The following IP6K1 variants were observed in gnomAD, a reference collection of about 807,000 sequenced individuals.
IP6K1 encodes ATP:1D-myo-inositol-hexakisphosphate phosphotransferase.
Under a neutral mutation model 38.3 loss-of-function variants are expected in IP6K1, and 13 were observed. That is an observed-to-expected ratio of 0.34 (90% CI 0.22 to 0.54). The LOEUF is 0.54. IP6K1 is among the 20% of genes least tolerant of loss of function. The pLI, the probability that IP6K1 is intolerant of heterozygous loss-of-function variation, is 0.92. For missense variants in IP6K1, 397 were observed against 599.8 expected, an observed-to-expected ratio of 0.66 and a Z score of 3.53; for synonymous variants, 212 against 229.9, an observed-to-expected ratio of 0.92 and a Z score of 0.70.
At chr3:49,757,738 T>TA (rs890058194) in intron 1 of IP6K1, among the ~76,000 whole-genome samples, 1 of 151,650 alleles carries the variant, frequency 6.6e-6, no homozygotes, top group African/African-American at 2.4e-5. Flanking sequence ...AAATAAAAAA[T>TA]AAAAAAACTG....
intron 1 of IP6K1, among the ~76,000 whole-genome samples, chr3:49,754,145 T>C (rs1004832068): frequency 1.8e-4 from 27 of 151,698 alleles, no homozygotes; most frequent in Non-Finnish European, 2.9e-4. Context: ...GGCTGGAGGA[T>C]CACTTGAGCC....
chr3:49,776,240 G>A (rs751433720), intron 1 of IP6K1, among the ~76,000 whole-genome samples: 5 of 152,072 alleles, frequency 3.3e-5, no homozygotes, highest in Non-Finnish European at 5.9e-5. Context: ...AATCAGGACA[G>A]GTGCAGTGGC....
chr3:49,775,897 G>T (rs538349311), intron 1 of IP6K1, among the ~76,000 whole-genome samples: 1 of 151,870 alleles, frequency 6.6e-6, no homozygotes, highest in East Asian at 2.0e-4. Flanking sequence ...TCTCCATATT[G>T]ATATGTTCTC....
At chr3:49,757,030 T>A (rs947085083) in intron 1 of IP6K1, among the ~76,000 whole-genome samples, 1 of 152,196 alleles carries the variant, frequency 6.6e-6, no homozygotes, top group African/African-American at 2.4e-5. Context: ...AAAGCACACA[T>A]GTAGAAGGAT....
chr3:49,738,561 C>T, intron 2 of IP6K1, 139 bp from the exon 3 acceptor site: 3 of 665,740 alleles, frequency 4.5e-6, no homozygotes, highest in Admixed American at 4.6e-5. Context: ...ATCAGAACAA[C>T]AGCCAGCAGA....
chr3:49,756,838 A>AAAAAG (rs1559710132), intron 1 of IP6K1, among the ~76,000 whole-genome samples: 45 of 119,104 alleles, frequency 3.8e-4, no homozygotes, highest in African/African-American at 5.5e-4. Context: ...AAAAAAAAAA[A>AAAAAG]AAAGAAAAAA....
chr3:49,786,322 G>A (rs559696279), intron 1 of IP6K1, 32 bp downstream of exon 1: 2 of 152,438 alleles, frequency 1.3e-5, no homozygotes, highest in Admixed American at 6.5e-5. Flanking sequence ...CGGGCGTCAG[G>A]CCGGTCTATC....
intron 3 of IP6K1, among the ~76,000 whole-genome samples, chr3:49,735,160 C>T (rs2080597769): frequency 6.6e-6 from 1 of 152,130 alleles, no homozygotes; most frequent in African/African-American, 2.4e-5. Context: ...TTTCAGACCA[C>T]CCCGGGCAAC....
chr3:49,739,867 T>A (rs2080650500), intron 2 of IP6K1, among the ~76,000 whole-genome samples: 1 of 151,892 alleles, frequency 6.6e-6, no homozygotes, highest in Non-Finnish European at 1.5e-5. Flanking sequence ...ATACAACAGT[T>A]ATCCAGACAT....
intron 1 of IP6K1, among the ~76,000 whole-genome samples, chr3:49,762,408 G>A (rs1249705842): frequency 6.6e-6 from 1 of 152,186 alleles, no homozygotes; most frequent in East Asian, 1.9e-4. Flanking sequence ...TGGCAAGGTG[G>A]CGGGCGCCTG....
intron 1 of IP6K1, among the ~76,000 whole-genome samples, chr3:49,754,931 T>TA: frequency 6.6e-6 from 1 of 151,322 alleles, no homozygotes. Context: ...GCAATCTTTT[T>TA]TTTTTTTTTG....
chr3:49,772,235 A>G (rs1370804946), intron 1 of IP6K1, among the ~76,000 whole-genome samples: 1 of 147,854 alleles, frequency 6.8e-6, no homozygotes, highest in Non-Finnish European at 1.5e-5. Flanking sequence ...ATATATATAT[A>G]TATATATGTG....
In IP6K1 at chr3:49,771,056, G is replaced by A. The variant is rs188456943; in HGVS notation, c.-129+15298C>T. ...GTCGTTTAAGCCCAGGAGTTAGAGG[G>A]TACACTAAGTTATGATCACGCTACT... On this transcript the variant is annotated intron_variant, in intron 1 of 5. Coordinates refer to ENST00000321599, the MANE Select transcript of IP6K1 (RefSeq NM_153273.4). Among the ~76,000 whole-genome samples the A allele has an allele frequency of 4.9e-3, 743 of 151,546 alleles. 4 individuals carry two copies. The highest frequency in any genetic ancestry group is 0.017 in the African/African-American group (714 of 41,326).
chr3:49,778,422 C>G (rs1316563456), intron 1 of IP6K1, among the ~76,000 whole-genome samples: 1 of 151,730 alleles, frequency 6.6e-6, no homozygotes. Flanking sequence ...GGCTTGAGGT[C>G]AGGAGGTCAA....
chr3:49,780,788 C>T (rs987729210), intron 1 of IP6K1, among the ~76,000 whole-genome samples: 2 of 152,200 alleles, frequency 1.3e-5, no homozygotes, highest in African/African-American at 4.8e-5. Context: ...ATGGGCCTGC[C>T]TCTATAAAGC....
chr3:49,783,096 G>A (rs559864773), intron 1 of IP6K1, among the ~76,000 whole-genome samples: 2 of 149,738 alleles, frequency 1.3e-5, no homozygotes, highest in African/African-American at 2.5e-5. Context: ...TTCCAGCCTG[G>A]GCGACAGAGT....
chr3:49,784,882 T>C (rs1344604834), intron 1 of IP6K1, among the ~76,000 whole-genome samples: 15 of 151,830 alleles, frequency 9.9e-5, no homozygotes, highest in Admixed American at 9.8e-4. Context: ...GAGTCAGAGG[T>C]TGCAGTGAGC....
chr3:49,778,254 G>A (rs1029178199), intron 1 of IP6K1, among the ~76,000 whole-genome samples: 1 of 151,830 alleles, frequency 6.6e-6, no homozygotes, highest in African/African-American at 2.4e-5. Context: ...GAACCCTGGA[G>A]GTGGAGGTTG....
intron 1 of IP6K1, among the ~76,000 whole-genome samples, chr3:49,783,893 A>T (rs571899462): frequency 1.3e-5 from 2 of 152,312 alleles, no homozygotes; most frequent in African/African-American, 2.4e-5. Flanking sequence ...TCACAAGTGC[A>T]GTATAAACTC....
Sources: gnomAD v4.1 joint callset for allele counts (sites outside exome capture counted in the v4.1 genomes callset) on GRCh38, gnomAD v4.1.1 for gene constraint, MANE v1.5 for transcripts, NCBI Gene and HGNC (gene_info 2026-07-23, HGNC 2026-07-21) for gene names.